Variants in ZSWIM3 observed in about 807,000 individuals in gnomAD.
ZSWIM3 encodes zinc finger SWIM-type containing 3, also known as zinc finger SWIM domain-containing protein 3.
A neutral mutation model predicts 47.5 loss-of-function variants in ZSWIM3; 27 were observed. That is an observed-to-expected ratio of 0.57 (90% CI 0.42 to 0.78). The LOEUF is 0.78. ZSWIM3 is among the 30% of genes least tolerant of loss of function. ZSWIM3 has a pLI of 0.00. For synonymous variants in ZSWIM3, 333 were observed against 333.9 expected (o/e 1.00, Z 0.03); for missense variants, 689 against 861.3 (o/e 0.80, Z 2.50).
At chr20:45,875,627 G>T (rs912067584) in intron 1 of ZSWIM3, among the ~76,000 whole-genome samples, 25 of 151,846 alleles carry the variant, frequency 1.6e-4, no homozygotes, top group African/African-American at 6.0e-4. Flanking sequence ...TCAGCCTCCC[G>T]AGTAGCTGGG....
rs1985560947 is a variant in ZSWIM3, at chr20:45,857,689, C to T, written c.-137C>T. 3 of 1,081,706 alleles carry T rather than the reference C, an allele frequency of 2.8e-6. No homozygotes were observed. The highest frequency in any genetic ancestry group is 1.6e-5 in the African/African-American group (1 of 63,420). 67.0% of individuals were successfully genotyped at this position (1,081,706 alleles called of 1,614,324 possible). A position where few individuals can be genotyped will look rare whatever the true frequency, so the allele number is the denominator to read the frequency against. On this transcript the variant is annotated 5_prime_UTR_variant, in exon 1 of 2. Coordinates refer to ENST00000255152, the MANE Select transcript of ZSWIM3 (RefSeq NM_080752.4). ...GTTCCTCCCTGAGTTCCAGAATAGG[C>T]CACCCAGTTGGGGCGGACCCTTAAG...
Position 45,878,674 on chromosome 20 carries a change from C to T in ZSWIM3, c.*25C>T. ...AAGCACTTTAGCTGAAGCATTGGAC[C>T]ACAAACACTTCTCCTTGGAAGTGTG... On this transcript the variant is annotated 3_prime_UTR_variant, in exon 2 of 2. Coordinates refer to ENST00000255152, the MANE Select transcript of ZSWIM3 (RefSeq NM_080752.4). 1 of 1,580,646 alleles carries T rather than the reference C, an allele frequency of 6.3e-7. No individual in the cohort carries two copies. The highest frequency in any genetic ancestry group is 8.6e-7 in the Non-Finnish European group (1 of 1,160,122).
chr20:45,870,613 G>A (rs6130958), intron 1 of ZSWIM3, among the ~76,000 whole-genome samples: 78,448 of 151,962 alleles, frequency 0.52, 20,808 homozygotes, highest in Admixed American at 0.6. Flanking sequence ...TTATTTCCAT[G>A]TATAGAGAGA....
chr20:45,870,272 G>A (rs931815987), intron 1 of ZSWIM3, among the ~76,000 whole-genome samples: 19 of 151,892 alleles, frequency 1.3e-4, no homozygotes, highest in African/African-American at 4.6e-4. Context: ...CCCGGGAGGC[G>A]GAGGTTGCAG....
rs766814653 is a variant in ZSWIM3 at position 45,866,284 on chromosome 20, C to T, written c.155+8304C>T. ...CTGCACTCCAGTCTTGGTGACAGAG[C>T]GAGACTCCATCTCAAAAAATAAAAT... On this transcript the variant is annotated intron_variant, in intron 1 of 1. Coordinates refer to ENST00000255152, the MANE Select transcript of ZSWIM3 (RefSeq NM_080752.4). Among the ~76,000 whole-genome samples, 8 of 151,722 alleles carry T rather than the reference C, an allele frequency of 5.3e-5. No individual in the cohort carries two copies. The East Asian group carries it at 5.8e-4, about 11-fold the overall frequency.
Position 45,878,608 on chromosome 20 carries a change from G to A in ZSWIM3, c.2050G>A (p.Gly684Arg), listed in dbSNP as rs753812522. ...TTTCCTCTGGGGAAAGCAAGAAGAA[G>A]GGGAGGGATTCCCTCCTGCTACAGC... The part of the protein sequence containing the change: ...LPFLWGKQEE[G>R]EGFPPATAVM... Residue 684 changes from glycine (G) to arginine (R), a missense_variant, in exon 2 of 2, where the codon GGG becomes AGG. Physicochemically the swap from Gly to Arg is moderately radical, Grantham distance 125 (BLOSUM62 -2). Coordinates refer to ENST00000255152, the MANE Select transcript of ZSWIM3 (RefSeq NM_080752.4). 6.2e-7 allele frequency: 1 copy of A among 1,612,800 alleles called. No individual in the cohort carries two copies. Among genetic ancestry groups the A allele is most frequent in the Non-Finnish European group, 8.5e-7 (1 of 1,178,998 alleles).
intron 1 of ZSWIM3, among the ~76,000 whole-genome samples, chr20:45,862,416 T>C (rs567465903): frequency 2.0e-5 from 3 of 152,098 alleles, no homozygotes; most frequent in Non-Finnish European, 4.4e-5. Flanking sequence ...CTGCTGGGAT[T>C]ACAGATGTGA....
intron 1 of ZSWIM3, among the ~76,000 whole-genome samples, chr20:45,863,834 C>A (rs1001096348): frequency 6.6e-6 from 1 of 152,002 alleles, no homozygotes; most frequent in Non-Finnish European, 1.5e-5. Context: ...CCTTTCTCTA[C>A]TAAAAATAAA....
rs1986111389 is a variant in ZSWIM3, at chr20:45,876,965, A to G, written c.407A>G (p.Lys136Arg). The G allele has an allele frequency of 6.2e-7, 1 of 1,613,990 alleles. No homozygotes were observed. Among genetic ancestry groups the G allele is most frequent in the South Asian group, 1.1e-5 (1 of 91,086 alleles). ...RLQPVQPTTK[K>R]DLDTAEKSLV... ...CAGCCTGTGCAGCCCACAACCAAAAAAGACCTTGACACTGCCGAGAAGTCC... is the reference window on the plus strand; with the variant it reads ...CAGCCTGTGCAGCCCACAACCAAAAGAGACCTTGACACTGCCGAGAAGTCC... Residue 136 changes from lysine (K) to arginine (R), a missense_variant, in exon 2 of 2, where the codon AAA becomes AGA. Coordinates refer to ENST00000255152, the MANE Select transcript of ZSWIM3 (RefSeq NM_080752.4).
At chr20:45,876,201 C>T (rs1986088216) in intron 1 of ZSWIM3, among the ~76,000 whole-genome samples, 1 of 152,052 alleles carries the variant, frequency 6.6e-6, no homozygotes, top group South Asian at 2.1e-4. Flanking sequence ...CACTACCATG[C>T]CCGGCTAATT....
At chr20:45,858,445 CACAA>C (rs1985603380) in intron 1 of ZSWIM3, among the ~76,000 whole-genome samples, 3 of 152,214 alleles carry the variant, frequency 2.0e-5, no homozygotes, top group Admixed American at 1.3e-4. Context: ...AGTGCAGTGG[CACAA>C]TCAGCTCACT....
intron 1 of ZSWIM3, among the ~76,000 whole-genome samples, chr20:45,874,110 A>T (rs924366885): frequency 9.9e-5 from 15 of 152,186 alleles, no homozygotes; most frequent in African/African-American, 3.6e-4. Flanking sequence ...AGCCAGATGC[A>T]GTGGCTCATG....
intron 1 of ZSWIM3, among the ~76,000 whole-genome samples, chr20:45,869,826 C>T (rs1317275349): frequency 3.3e-5 from 5 of 151,690 alleles, no homozygotes; most frequent in Admixed American, 1.3e-4. Flanking sequence ...GGGTGGATCA[C>T]GAGGTCAGGA....
At chr20:45,869,049 G>T (rs571912420) in intron 1 of ZSWIM3, among the ~76,000 whole-genome samples, 2 of 151,816 alleles carry the variant, frequency 1.3e-5, no homozygotes, top group African/African-American at 2.4e-5. Flanking sequence ...TGATCCACCC[G>T]CCTCGGCCTC....
chr20:45,861,974 A>G (rs1985718394), intron 1 of ZSWIM3, among the ~76,000 whole-genome samples: 1 of 151,996 alleles, frequency 6.6e-6, no homozygotes, highest in African/African-American at 2.4e-5. Flanking sequence ...GGTTGCAGTG[A>G]GTCAAGATCA....
chr20:45,865,089 C>T (rs1194940228), intron 1 of ZSWIM3, among the ~76,000 whole-genome samples: 10 of 152,008 alleles, frequency 6.6e-5, no homozygotes, highest in Non-Finnish European at 1.5e-4. Context: ...GAGGCCGAGG[C>T]GGGCGGATCA....
chr20:45,876,188 A>T (rs1380681049), intron 1 of ZSWIM3, among the ~76,000 whole-genome samples: 1 of 151,950 alleles, frequency 6.6e-6, no homozygotes, highest in Non-Finnish European at 1.5e-5. Flanking sequence ...GACTACAGGC[A>T]TGCACTACCA....
At chr20:45,858,051 G>C (rs978021902) in intron 1 of ZSWIM3, 71 bp downstream of exon 1, 1 of 1,524,342 alleles carries the variant, frequency 6.6e-7, no homozygotes, top group African/African-American at 1.4e-5. Flanking sequence ...GCTGCCTGGA[G>C]GAGGAGGGGT....
chr20:45,873,624 G>T (rs1008813082), intron 1 of ZSWIM3, among the ~76,000 whole-genome samples: 1 of 152,230 alleles, frequency 6.6e-6, no homozygotes, highest in African/African-American at 2.4e-5. Context: ...TATTTTGCCT[G>T]TGGCTCATTT....
Sources: gnomAD v4.1 joint callset for allele counts (sites outside exome capture counted in the v4.1 genomes callset) on GRCh38, gnomAD v4.1.1 for gene constraint, MANE v1.5 for transcripts, NCBI Gene and HGNC (gene_info 2026-07-23, HGNC 2026-07-21) for gene names.